ACTR3C: variants seen among roughly 807,000 people sequenced by gnomAD.
ACTR3C encodes actin related protein 3C.
Under a neutral mutation model 26.3 loss-of-function variants are expected in ACTR3C, and 18 were observed. That is an observed-to-expected ratio of 0.68 (90% CI 0.47 to 1.01). ACTR3C has a LOEUF of 1.01. Ranked by LOEUF, ACTR3C falls within the 50% of genes least tolerant of loss-of-function variation. The pLI, the probability that ACTR3C is intolerant of heterozygous loss-of-function variation, is 0.00. For missense variants in ACTR3C, 184 were observed against 250.7 expected, an observed-to-expected ratio of 0.73 and a Z score of 1.80; for synonymous variants, 55 against 94.5, an observed-to-expected ratio of 0.58 and a Z score of 2.42.
At chr7:149,940,817 G>T in the ACTR3C span, among the ~76,000 whole-genome samples, 1 of 149,970 alleles carries the variant, frequency 6.7e-6, no homozygotes, top group East Asian at 2.0e-4. Flanking sequence ...TGCATGGGGC[G>T]GGTGGGTAGA....
the ACTR3C span, among the ~76,000 whole-genome samples, chr7:150,046,517 T>G: frequency 4.8e-3 from 718 of 151,058 alleles, 7 homozygotes; most frequent in South Asian, 0.032. Flanking sequence ...GTGGGACCCC[T>G]GCGGTTCCCA....
At chr7:150,238,099 G>A in the ACTR3C span, among the ~76,000 whole-genome samples, 1 of 149,846 alleles carries the variant, frequency 6.7e-6, no homozygotes, top group Non-Finnish European at 1.5e-5. Flanking sequence ...GGCATATTAT[G>A]AGACATACGC....
chr7:149,999,957 A>G, the ACTR3C span, among the ~76,000 whole-genome samples: 3 of 151,522 alleles, frequency 2.0e-5, no homozygotes, highest in African/African-American at 7.3e-5. Context: ...TGATGTTAAT[A>G]ATGAAACATC....
chr7:150,201,615 A>G, the ACTR3C span, among the ~76,000 whole-genome samples: 3 of 151,164 alleles, frequency 2.0e-5, no homozygotes, highest in African/African-American at 4.9e-5. Context: ...AAAATTAACC[A>G]GGTGTTATGG....
chr7:150,261,701 C>CATAA (rs200953239), intron 6 of ACTR3C, among the ~76,000 whole-genome samples: 2,785 of 109,512 alleles, frequency 0.025, 31 homozygotes, highest in South Asian at 0.058. Context: ...GACTCCATCT[C>CATAA]ATAAATAAAT....
At chr7:150,304,469 T>A (rs1385822649) in intron 1 of ACTR3C, among the ~76,000 whole-genome samples, 1 of 152,104 alleles carries the variant, frequency 6.6e-6, no homozygotes, top group Non-Finnish European at 1.5e-5. Flanking sequence ...TAATTTTCCA[T>A]CAACTATCAA....
At chr7:150,159,108 T>A in the ACTR3C span, among the ~76,000 whole-genome samples, 7 of 152,328 alleles carry the variant, frequency 4.6e-5, no homozygotes, top group East Asian at 7.7e-4. Context: ...CATTTCACAA[T>A]GTGTTTATCA....
chr7:150,008,364 T>C, the ACTR3C span, among the ~76,000 whole-genome samples: 1 of 152,250 alleles, frequency 6.6e-6, no homozygotes, highest in Non-Finnish European at 1.5e-5. Flanking sequence ...GGACAGGGCA[T>C]GCTCTCCACT....
the ACTR3C span, among the ~76,000 whole-genome samples, chr7:150,188,080 A>G: frequency 6.6e-6 from 1 of 150,670 alleles, no homozygotes; most frequent in Admixed American, 6.6e-5. Context: ...TCTCTGCCCC[A>G]GTTCTGAACT....
At chr7:150,033,507 C>T in the ACTR3C span, among the ~76,000 whole-genome samples, 2 of 152,216 alleles carry the variant, frequency 1.3e-5, no homozygotes, top group African/African-American at 4.8e-5. Flanking sequence ...CCACAGTACT[C>T]CAGGTGGGTC....
the ACTR3C span, among the ~76,000 whole-genome samples, chr7:150,213,431 T>G: frequency 1.3e-5 from 2 of 152,170 alleles, no homozygotes; most frequent in African/African-American, 2.4e-5. Context: ...AAAAGAGACT[T>G]AGTGAAGGTC....
chr7:150,239,798 T>A (rs537716773), downstream of ACTR3C, among the ~76,000 whole-genome samples: 781 of 151,070 alleles, frequency 5.2e-3, 6 homozygotes, highest in African/African-American at 0.018. Context: ...GTCACCCAGA[T>A]TGGAGTGCAG....
chr7:149,983,449 G>GTGTGTGTGTGTGTGTGTGTATATATA, the ACTR3C span, among the ~76,000 whole-genome samples: 2 of 23,322 alleles, frequency 8.6e-5, no homozygotes, highest in African/African-American at 2.9e-4. Context: ...GTGTGTGTGT[G>GTGTGTGTGTGTGTGTGTGTATATATA]TATATATATA....
chr7:150,021,928 C>G, the ACTR3C span, among the ~76,000 whole-genome samples: 5 of 151,544 alleles, frequency 3.3e-5, 1 homozygote, highest in African/African-American at 9.7e-5. Flanking sequence ...CTGCTATAGG[C>G]GTGCGTGCAA....
At chr7:150,169,329 G>A in the ACTR3C span, among the ~76,000 whole-genome samples, 1 of 143,538 alleles carries the variant, frequency 7.0e-6, no homozygotes, top group African/African-American at 2.7e-5. Context: ...CTTGTAGTGA[G>A]CCAAGATCTC....
the ACTR3C span, among the ~76,000 whole-genome samples, chr7:149,951,616 C>A: frequency 2.6e-5 from 4 of 152,110 alleles, no homozygotes; most frequent in African/African-American, 9.7e-5. Flanking sequence ...TTCCTAGAGG[C>A]CATCCAAAGT....
At chr7:150,147,509 T>G in the ACTR3C span, among the ~76,000 whole-genome samples, 18 of 152,236 alleles carry the variant, frequency 1.2e-4, no homozygotes, top group Admixed American at 1.1e-3. Context: ...CATGTACAGT[T>G]CAGCGGTAAT....
rs775952807 is a variant in ACTR3C at position 150,293,361 on chromosome 7, G to C, written c.104C>G (p.Thr35Arg). The change falls in exon 3 of 8, where the codon ACG (threonine) becomes AGG (arginine). Residue 35 changes from threonine to arginine, a missense_variant. Transcript: ENST00000683684. ...ATCTCCGCTGTCAATGACTATCCCC[G>C]TTAATGTACGTTCACCCACTTGTCG... ...TSRQVGERTL[T>R]GIVIDSGDGV... 2.5e-6 allele frequency: 4 copies of C among 1,607,636 alleles called. No individual in the cohort carries two copies. Among genetic ancestry groups the C allele is most frequent in the Non-Finnish European group, 3.4e-6 (4 of 1,176,662 alleles).
intron 6 of ACTR3C, among the ~76,000 whole-genome samples, chr7:150,253,828 T>G (rs1273928142): frequency 6.6e-6 from 1 of 152,012 alleles, no homozygotes; most frequent in Non-Finnish European, 1.5e-5. Context: ...TAATGAAGCA[T>G]ACATCTGCCA....
Sources: gnomAD v4.1 joint callset for allele counts (sites outside exome capture counted in the v4.1 genomes callset) on GRCh38, gnomAD v4.1.1 for gene constraint, MANE v1.5 for transcripts, NCBI Gene and HGNC (gene_info 2026-07-23, HGNC 2026-07-21) for gene names.